The following TENM3 variants were observed in gnomAD, a reference collection of about 807,000 sequenced individuals.
TENM3 encodes the protein teneurin transmembrane protein 3.
In TENM3, 63 loss-of-function variants were observed where a neutral mutation model predicts 255.1. The ratio of observed to expected loss-of-function variants is 0.25; its 90% CI spans 0.20 to 0.30. TENM3 has a LOEUF of 0.30. Ranked by LOEUF, TENM3 falls within the 10% of genes least tolerant of loss-of-function variation. The probability of loss-of-function intolerance (pLI) is 1.00; values close to 1 mark genes in which losing one functional copy is unlikely to be tolerated. For missense variants in TENM3, 2,929 were observed against 3,461.1 expected, an observed-to-expected ratio of 0.85 and a Z score of 3.86; for synonymous variants, 1,306 against 1,322.3, an observed-to-expected ratio of 0.99 and a Z score of 0.27.
the TENM3 span, among the ~76,000 whole-genome samples, chr4:181,910,195 G>A: frequency 6.6e-6 from 1 of 152,090 alleles, no homozygotes; most frequent in Non-Finnish European, 1.5e-5. Flanking sequence ...TAGCCTATGT[G>A]CACACACATT....
chr4:182,672,471 C>T (rs966481124), intron 6 of TENM3, among the ~76,000 whole-genome samples: 1 of 152,196 alleles, frequency 6.6e-6, no homozygotes, highest in African/African-American at 2.4e-5. Flanking sequence ...CCTTCTCTAT[C>T]TCTCTGCCAA....
At chr4:181,546,580 G>A in the TENM3 span, among the ~76,000 whole-genome samples, 6,987 of 139,452 alleles carry the variant, frequency 0.05, 497 homozygotes, top group African/African-American at 0.12. Context: ...CGGGCGTGGT[G>A]GCGGACGCCT....
the TENM3 span, among the ~76,000 whole-genome samples, chr4:181,872,776 G>A: frequency 6.6e-6 from 1 of 152,068 alleles, no homozygotes; most frequent in African/African-American, 2.4e-5. Flanking sequence ...AAGTCTTACT[G>A]GGAGGAGGAG....
At chr4:182,724,106 C>A (rs1197209207) in intron 13 of TENM3, among the ~76,000 whole-genome samples, 2 of 152,214 alleles carry the variant, frequency 1.3e-5, no homozygotes, top group Non-Finnish European at 2.9e-5. Context: ...AGAAGAAAGA[C>A]AGGCTCTTAA....
chr4:182,399,210 T>C (rs1769061752), intron 3 of TENM3, among the ~76,000 whole-genome samples: 1 of 152,174 alleles, frequency 6.6e-6, no homozygotes, highest in South Asian at 2.1e-4. Context: ...AAACTATGAG[T>C]TATAAAGGTA....
chr4:182,235,258 G>A (rs531533393), intron 1 of TENM3, among the ~76,000 whole-genome samples: 8 of 152,138 alleles, frequency 5.3e-5, no homozygotes, highest in African/African-American at 1.9e-4. Flanking sequence ...AAAGCATGTG[G>A]GCATCATAGG....
intron 1 of TENM3, among the ~76,000 whole-genome samples, chr4:182,304,754 G>C (rs1762042873): frequency 6.6e-6 from 1 of 152,190 alleles, no homozygotes; most frequent in Non-Finnish European, 1.5e-5. Flanking sequence ...GTCCAATAGA[G>C]AGTTGAATCT....
chr4:182,288,861 G>A (rs927174859), intron 1 of TENM3, among the ~76,000 whole-genome samples: 3 of 152,086 alleles, frequency 2.0e-5, no homozygotes, highest in East Asian at 1.9e-4. Context: ...CACCTATGCC[G>A]AAAAATAAAA....
chr4:181,849,549 A>C, the TENM3 span, among the ~76,000 whole-genome samples: 1 of 152,220 alleles, frequency 6.6e-6, no homozygotes, highest in Non-Finnish European at 1.5e-5. Context: ...ATACTCACAC[A>C]CTAAAAAGCA....
chr4:182,084,539 C>T, the TENM3 span, among the ~76,000 whole-genome samples: 2 of 152,124 alleles, frequency 1.3e-5, no homozygotes, highest in African/African-American at 2.4e-5. Flanking sequence ...AAATATTGCA[C>T]CTCTTTTAGA....
At chr4:181,884,859 A>G in the TENM3 span, among the ~76,000 whole-genome samples, 100 of 152,066 alleles carry the variant, frequency 6.6e-4, no homozygotes, top group African/African-American at 2.4e-3. Flanking sequence ...CTATTCCTTT[A>G]TCTATTATGA....
the TENM3 span, among the ~76,000 whole-genome samples, chr4:182,041,595 A>G: frequency 5.3e-5 from 8 of 152,350 alleles, no homozygotes; most frequent in East Asian, 1.5e-3. Flanking sequence ...TATTAGAACT[A>G]AAATTATTCA....
At chr4:181,938,783 CA>C in the TENM3 span, among the ~76,000 whole-genome samples, 15 of 152,034 alleles carry the variant, frequency 9.9e-5, no homozygotes, top group Non-Finnish European at 1.9e-4. Flanking sequence ...ACTGTGGTCG[CA>C]AAAAAGCTAA....
the TENM3 span, among the ~76,000 whole-genome samples, chr4:181,600,905 C>A: frequency 4.1e-4 from 62 of 152,042 alleles, no homozygotes; most frequent in African/African-American, 1.5e-3. Flanking sequence ...GCTCTCCTCC[C>A]AGAAGTGCTA....
intron 3 of TENM3, among the ~76,000 whole-genome samples, chr4:182,538,127 C>A (rs377630918): frequency 2.6e-5 from 4 of 152,208 alleles, no homozygotes; most frequent in African/African-American, 9.6e-5. Context: ...TTTATGTTCA[C>A]GTTTTGGGCA....
At chr4:182,244,100 C>T (rs1757485850) in intron 1 of TENM3, among the ~76,000 whole-genome samples, 1 of 151,418 alleles carries the variant, frequency 6.6e-6, no homozygotes, top group African/African-American at 2.4e-5. Flanking sequence ...ACTACAGGCG[C>T]CCGCCACCAC....
At chr4:182,278,998 T>G (rs1296507510) in intron 1 of TENM3, among the ~76,000 whole-genome samples, 2 of 152,166 alleles carry the variant, frequency 1.3e-5, no homozygotes, top group African/African-American at 4.8e-5. Flanking sequence ...GAGAAGGGAT[T>G]GCACACCAGG....
chr4:182,603,205 A>G (rs545145856), intron 4 of TENM3, among the ~76,000 whole-genome samples: 2 of 152,318 alleles, frequency 1.3e-5, no homozygotes, highest in South Asian at 2.1e-4. Flanking sequence ...TATTCAGACC[A>G]TATAAGAAAT....
the TENM3 span, among the ~76,000 whole-genome samples, chr4:182,122,582 G>A: frequency 1.3e-5 from 2 of 152,092 alleles, no homozygotes; most frequent in Non-Finnish European, 2.9e-5. Flanking sequence ...AGGTCTCAAC[G>A]GTGGTCTTAA....
Sources: allele counts gnomAD v4.1 joint callset (sites outside exome capture counted in the v4.1 genomes callset), GRCh38; gene constraint gnomAD v4.1.1; transcripts MANE v1.5; gene names NCBI Gene and HGNC (gene_info 2026-07-23, HGNC 2026-07-21).